KATNAL2: variants seen among roughly 807,000 people sequenced by gnomAD.
KATNAL2 encodes the protein katanin p60 ATPase-containing subunit A-like 2.
Under a neutral mutation model 76.3 loss-of-function variants are expected in KATNAL2, and 52 were observed. That is an observed-to-expected ratio of 0.68 (90% confidence interval 0.55 to 0.86). The LOEUF (loss-of-function observed/expected upper bound fraction) is 0.86. Ranked by LOEUF, KATNAL2 falls within the 40% of genes least tolerant of loss-of-function variation. The probability of loss-of-function intolerance (pLI) is 0.00; values close to 1 mark genes in which losing one functional copy is unlikely to be tolerated. For synonymous variants in KATNAL2, 243 were observed against 244.2 expected (o/e 1.00, Z 0.05); for missense variants, 660 against 668.9 (o/e 0.99, Z 0.15).
At chr18:47,044,163 G>A (rs1325375448) in intron 3 of KATNAL2, among the ~76,000 whole-genome samples, 3 of 151,710 alleles carry the variant, frequency 2.0e-5, no homozygotes, top group African/African-American at 7.3e-5. Flanking sequence ...ATTCCCTTGG[G>A]CCACACATAA....
Position 47,058,272 on chromosome 18 carries a change from A to C in KATNAL2, c.370A>C (p.Asn124His), listed in dbSNP as rs758299278. 8 of 1,613,976 alleles carry C rather than the reference A, an allele frequency of 5.0e-6. 1 individual carries two copies. The Admixed American group carries it at 1.2e-4, about 24-fold the overall frequency. The change falls in exon 7 of 18, where the codon AAT becomes CAT. Residue 124 changes from asparagine to histidine, a missense_variant. Transcript: ENST00000683218. The stretch of plus-strand genomic sequence containing the variant: ...CAGTTGTCAAAATCTTCCCAAGATC[A>C]ATCAGCAGAGGCCCCGGTCCAAAAC... The part of the protein sequence containing the change: ...NDSCQNLPKI[N>H]QQRPRSKTTA...
intron 1 of KATNAL2, among the ~76,000 whole-genome samples, chr18:46,932,868 G>A (rs954387248): frequency 1.3e-5 from 2 of 151,676 alleles, no homozygotes; most frequent in African/African-American, 4.8e-5. Context: ...GGGTTCAAGC[G>A]ATTCTCCTGC....
At chr18:46,956,753 TATG>T (rs1168102746) in intron 3 of KATNAL2, among the ~76,000 whole-genome samples, 1 of 152,124 alleles carries the variant, frequency 6.6e-6, no homozygotes, top group Non-Finnish European at 1.5e-5. Context: ...TGAAAATTCA[TATG>T]ATGAGGCCAG....
In KATNAL2 at chr18:47,043,245, A is replaced by AAAAAAAAAAAAAAAAAAAAAG. The variant is rs376877321; in HGVS notation, c.52-3212_52-3211insAAAAAAAAAAAAAAAAAAAAG. 7.5e-5 allele frequency among the ~76,000 whole-genome samples: 7 copies of AAAAAAAAAAAAAAAAAAAAAG among 93,174 alleles called. 2 individuals are homozygous for AAAAAAAAAAAAAAAAAAAAAG. Among genetic ancestry groups the AAAAAAAAAAAAAAAAAAAAAG allele is most frequent in the South Asian group, 8.2e-4 (2 of 2,442 alleles). 61.1% of individuals were successfully genotyped at this position (93,174 alleles called of 152,430 possible). Reference sequence around the variant, plus strand: ...CCGTTTCAAAAAAAAAAAAAAAAAAAGAGATCCTAAAAGCTTCCTGGGAAG... The same window carrying AAAAAAAAAAAAAAAAAAAAAG: ...CCGTTTCAAAAAAAAAAAAAAAAAAAAAAAAAAAAAAAAAAAAAAAGGAGATCCTAAAAGCTTCCTGGGAAG... On this transcript the variant is annotated intron_variant, in intron 3 of 17. Transcript: ENST00000683218.
At chr18:46,925,971 C>A (rs1264682467) in intron 1 of KATNAL2, among the ~76,000 whole-genome samples, 3 of 151,926 alleles carry the variant, frequency 2.0e-5, no homozygotes, top group Admixed American at 6.6e-5. Flanking sequence ...TGATTCTTCT[C>A]TCTTTTCTTC....
At chr18:47,092,002 T>C (rs1824696265) in intron 15 of KATNAL2, among the ~76,000 whole-genome samples, 1 of 152,144 alleles carries the variant, frequency 6.6e-6, no homozygotes, top group Non-Finnish European at 1.5e-5. Context: ...AGCTTATTTT[T>C]TCTTTGAAAT....
chr18:46,935,961 G>T (rs900413162), intron 1 of KATNAL2, among the ~76,000 whole-genome samples: 2 of 152,128 alleles, frequency 1.3e-5, no homozygotes, highest in Admixed American at 1.3e-4. Flanking sequence ...AACTATAAAT[G>T]AACTATAAAT....
At chr18:46,932,673 CAAAAAAAA>C (rs1162695359) in intron 1 of KATNAL2, among the ~76,000 whole-genome samples, 8 of 42,856 alleles carry the variant, frequency 1.9e-4, no homozygotes, top group East Asian at 7.9e-4. Flanking sequence ...GACTCTGTCT[CAAAAAAAA>C]AAAAAAAAAA....
chr18:47,098,539 C>T (rs965344670), intron 15 of KATNAL2: 6 of 155,850 alleles, frequency 3.8e-5, no homozygotes, highest in South Asian at 3.9e-4. Context: ...GGGAATTATG[C>T]GATTACAATT....
Position 46,944,444 on chromosome 18 carries a change from G to T in KATNAL2, c.-509-1613G>T, listed in dbSNP as rs555997084. On this transcript the variant is annotated intron_variant, in intron 1 of 17. Coordinates refer to ENST00000683218, the MANE Select transcript of KATNAL2 (RefSeq NM_001387690.1). ...ATCTAGAGATGTTTTCAAGTATACG[G>T]GATGGGTTGGGAGCAGCGGTTCACA... 7.7e-4 allele frequency among the ~76,000 whole-genome samples: 117 copies of T among 152,248 alleles called. 1 individual carries two copies. In the South Asian group the frequency reaches 0.024, roughly 31 times the overall value.
chr18:47,031,538 C>T (rs540580947), intron 3 of KATNAL2, among the ~76,000 whole-genome samples: 3 of 152,098 alleles, frequency 2.0e-5, no homozygotes, highest in African/African-American at 7.2e-5. Context: ...TTATAAGTAC[C>T]CTTCCACAGT....
chr18:47,073,661 A>G (rs781407873), intron 13 of KATNAL2, among the ~76,000 whole-genome samples: 1 of 152,074 alleles, frequency 6.6e-6, no homozygotes, highest in African/African-American at 2.4e-5. Context: ...TCCCCTACTA[A>G]TGTCTGTGCC....
intron 3 of KATNAL2, 138 bp downstream of exon 3, chr18:46,947,061 G>C: frequency 7.3e-6 from 5 of 687,134 alleles, no homozygotes; most frequent in Non-Finnish European, 1.3e-5. Context: ...GAGGCGCTCG[G>C]CCGAGGTGGT....
intron 14 of KATNAL2, among the ~76,000 whole-genome samples, chr18:47,076,786 TAATA>T (rs1033340317): frequency 1.2e-4 from 17 of 142,136 alleles, no homozygotes; most frequent in Non-Finnish European, 2.1e-4. Flanking sequence ...TTATAATATA[TAATA>T]AATAAATTAT....
In KATNAL2 at chr18:46,946,307, G is replaced by A. The variant is rs1441438179; in HGVS notation, c.-259G>A. On this transcript the variant is annotated 5_prime_UTR_variant, in exon 2 of 18. Transcript: ENST00000683218. ...TGTGAAAGGAATTGGAGGAGAAGGG[G>A]AAGTTTGGTGATGCACAGTTTGCAT... The A allele has an allele frequency of 9.5e-7, 1 of 1,047,962 alleles. No individual in the cohort carries two copies. The highest frequency in any genetic ancestry group is 1.2e-6 in the Non-Finnish European group (1 of 865,030). The allele number at this position is 1,047,962 out of a possible 1,614,324, so 64.9% of individuals were successfully genotyped here.
chr18:47,033,040 G>T (rs1215848268), intron 3 of KATNAL2: 1 of 1,614,142 alleles, frequency 6.2e-7, no homozygotes, highest in South Asian at 1.1e-5. Context: ...GTCTCGAATT[G>T]CCTTGGCCAT....
chr18:47,055,572 C>T (rs1235393351), intron 6 of KATNAL2, among the ~76,000 whole-genome samples: 1 of 152,200 alleles, frequency 6.6e-6, no homozygotes, highest in Non-Finnish European at 1.5e-5. Flanking sequence ...TGGCCTCGGG[C>T]TACCTTTGCT....
Position 47,100,239 on chromosome 18 carries a change from T to C in KATNAL2, c.1375-15T>C, listed in dbSNP as rs761780940. 7.5e-6 allele frequency: 12 copies of C among 1,607,634 alleles called. No individual in the cohort carries two copies. Among genetic ancestry groups the C allele is most frequent in the Admixed American group, 1.7e-5 (1 of 59,994 alleles). On this transcript the variant is annotated splice_polypyrimidine_tract_variant and intron_variant, in intron 16 of 17. Coordinates refer to ENST00000683218, the MANE Select transcript of KATNAL2 (RefSeq NM_001387690.1). ...TCTGCCCACTGACCAATGGCTGGTTTTTTGGCTGTTTCAGGAGACTGAGGG... is the reference window on the plus strand; with the variant it reads ...TCTGCCCACTGACCAATGGCTGGTTCTTTGGCTGTTTCAGGAGACTGAGGG...
intron 6 of KATNAL2, among the ~76,000 whole-genome samples, chr18:47,054,962 C>CT (rs2061431579): frequency 6.6e-6 from 1 of 152,270 alleles, no homozygotes; most frequent in South Asian, 2.1e-4. Context: ...TCTTCTCTTG[C>CT]TTTTCCCTCC....
Sources: gnomAD v4.1 joint callset for allele counts (sites outside exome capture counted in the v4.1 genomes callset) on GRCh38, gnomAD v4.1.1 for gene constraint, MANE v1.5 for transcripts, NCBI Gene and HGNC (gene_info 2026-07-23, HGNC 2026-07-21) for gene names.